The following MPC1 variants were observed in gnomAD, a reference collection of about 807,000 sequenced individuals.
The protein encoded by MPC1 is HSPC040 protein.
A neutral mutation model predicts 13.9 loss-of-function variants in MPC1; 6 were observed. That is an observed-to-expected ratio of 0.43 (90% confidence interval 0.24 to 0.85). The LOEUF (loss-of-function observed/expected upper bound fraction) is 0.85. Among genes scored for constraint, MPC1 ranks in the 40% least tolerant of loss-of-function variants. The pLI is 0.24. For synonymous variants in MPC1, 47 were observed against 50.5 expected (o/e 0.93, Z 0.29); for missense variants, 115 against 143.3 (o/e 0.80, Z 1.01).
intron 1 of MPC1, among the ~76,000 whole-genome samples, chr6:166,374,295 AT>A (rs1779493484): frequency 6.6e-6 from 1 of 152,126 alleles, no homozygotes; most frequent in South Asian, 2.1e-4. Context: ...GCCTGGCCTT[AT>A]TGTTAAGTTT....
chr6:166,382,858 G>C lies in MPC1; in HGVS notation c.19C>G (p.Arg7Gly). Residue 7 changes from arginine to glycine, a missense_variant, in exon 1 of 5, where the codon CGG becomes GGG. By Grantham distance (125) the Arg-to-Gly change is moderately radical. Around this residue, in one of 3 missense-constraint regions of MPC1, gnomAD observed 41 missense variants for 34.2 expected, o/e 1.20. Coordinates refer to ENST00000360961, the MANE Select transcript of MPC1 (RefSeq NM_016098.4). MAGALV[R>G]KAADYVRSKD... is the part of the protein sequence containing the mutation. ...CTTCGGACATAGTCCGCCGCTTTCCGCACCAACGCGCCCGCCATGGCTGTG... is the reference window on the plus strand; with the variant it reads ...CTTCGGACATAGTCCGCCGCTTTCCCCACCAACGCGCCCGCCATGGCTGTG... The C allele has an allele frequency of 6.3e-7, 1 of 1,594,888 alleles. No individual in the cohort carries two copies. The highest frequency in any genetic ancestry group is 8.5e-7 in the Non-Finnish European group (1 of 1,172,716).
Position 166,366,838 on chromosome 6 carries a change from A to C in MPC1, c.129T>G (p.Asp43Glu). 6.2e-7 allele frequency: 1 copy of C among 1,614,154 alleles called. No homozygotes were observed. The highest frequency in any genetic ancestry group is 8.5e-7 in the Non-Finnish European group (1 of 1,179,972). The part of the protein sequence containing the change: ...NWGLPIAAIN[D>E]MKKSPEIISG... ...TGATAATCTCTGGAGACTTTTTCAT[A>C]TCATTGATGGCAGCAATGGGAAGAC... Residue 43 changes from aspartate (D) to glutamate (E), a missense_variant, in exon 3 of 5, where the codon GAT (aspartate) becomes GAG (glutamate). Transcript: ENST00000360961.
At chr6:166,372,971 TTC>T (rs1779433548) in intron 1 of MPC1, among the ~76,000 whole-genome samples, 2 of 152,210 alleles carry the variant, frequency 1.3e-5, no homozygotes, top group African/African-American at 2.4e-5. Context: ...AAATTAAGTA[TTC>T]TGTTTTTTTA....
At chr6:166,379,347 A>G (rs1316585935) in intron 1 of MPC1, among the ~76,000 whole-genome samples, 3 of 152,140 alleles carry the variant, frequency 2.0e-5, no homozygotes, top group Non-Finnish European at 4.4e-5. Context: ...ACAAAAAACT[A>G]GCCAGGTATG....
At chr6:166,368,274 TG>T (rs2114947761) in intron 2 of MPC1, among the ~76,000 whole-genome samples, 1 of 152,292 alleles carries the variant, frequency 6.6e-6, no homozygotes, top group South Asian at 2.1e-4. Context: ...AATGACAAGT[TG>T]GGTCGGGTGC....
chr6:166,381,712 G>A, intron 1 of MPC1: 1 of 644,196 alleles, frequency 1.6e-6, no homozygotes, highest in Non-Finnish European at 1.9e-6. Context: ...TTCCAACCGC[G>A]AATGCTCTTT....
intron 2 of MPC1, 137 bp downstream of exon 2, chr6:166,370,081 T>C (rs1362970741): frequency 2.7e-6 from 2 of 746,298 alleles, no homozygotes; most frequent in East Asian, 2.5e-5. Flanking sequence ...CAGGGTGCAG[T>C]AGGCACCCTT....
chr6:166,364,970 T>C lies in MPC1; in HGVS notation c.*459A>G, dbSNP rs1033610707. 1 of 154,052 alleles carries C rather than the reference T, an allele frequency of 6.5e-6. No homozygotes were observed. Among genetic ancestry groups the C allele is most frequent in the African/African-American group, 2.4e-5 (1 of 41,526 alleles). The allele number at this position is 154,052 out of a possible 1,614,324, so 9.5% of individuals were successfully genotyped here. A position where few individuals can be genotyped will look rare whatever the true frequency, so the allele number is the denominator to read the frequency against. On this transcript the variant is annotated 3_prime_UTR_variant, in exon 5 of 5. Transcript: ENST00000360961. ...GCCATTAAGTTACAGCATCTCAATA[T>C]ATACACTGCATGGAAATACACAGGT...
Position 166,365,282 on chromosome 6 carries a change from C to T in MPC1, c.*147G>A, listed in dbSNP as rs1779107282. On this transcript the variant is annotated 3_prime_UTR_variant, in exon 5 of 5. Coordinates refer to ENST00000360961, the MANE Select transcript of MPC1 (RefSeq NM_016098.4). The surrounding 1 kb of genome is among the most constrained non-coding windows in gnomAD (Gnocchi z 4.2). Reference sequence around the variant, plus strand: ...AGGCAGCAGAGAGTTGGTTTAGAAACTCTCAGCTATTTCTATAAAAATAGA... The same window carrying T: ...AGGCAGCAGAGAGTTGGTTTAGAAATTCTCAGCTATTTCTATAAAAATAGA... The T allele has an allele frequency of 4.8e-6, 3 of 628,754 alleles. No homozygotes were observed. The highest frequency in any genetic ancestry group is 6.7e-5 in the East Asian group (2 of 29,930). The allele number at this position is 628,754 out of a possible 1,614,324, so 38.9% of individuals were successfully genotyped here.
chr6:166,367,652 A>C (rs1289988781), intron 2 of MPC1, among the ~76,000 whole-genome samples: 1 of 152,230 alleles, frequency 6.6e-6, no homozygotes, highest in African/African-American at 2.4e-5. Flanking sequence ...GAAATAAAAT[A>C]AGGCTTGTGG....
chr6:166,365,409 T>A lies in MPC1; in HGVS notation c.*20A>T, dbSNP rs774115517. ...CTGGCAATGCTGTCCCTTCAAGACC[T>A]TGTTCTTCCTTTTCCATTGTTATGC... On this transcript the variant is annotated 3_prime_UTR_variant, in exon 5 of 5. Coordinates refer to ENST00000360961, the MANE Select transcript of MPC1 (RefSeq NM_016098.4). The surrounding 1 kb of genome is among the most constrained non-coding windows in gnomAD (Gnocchi z 4.2). 74 of 1,564,330 alleles carry A rather than the reference T, an allele frequency of 4.7e-5. No homozygotes were observed. In the Admixed American group the frequency reaches 1.3e-3, roughly 28 times the overall value.
At chr6:166,366,189 T>C in intron 3 of MPC1, 83 bp from the exon 4 acceptor site, 1 of 1,446,510 alleles carries the variant, frequency 6.9e-7, no homozygotes, top group Non-Finnish European at 9.2e-7. Context: ...AACAGTTCCA[T>C]TGCCCTGATC....
intron 3 of MPC1, 112 bp from the exon 4 acceptor site, chr6:166,366,218 C>T (rs898398676): frequency 1.4e-5 from 17 of 1,241,500 alleles, no homozygotes; most frequent in East Asian, 1.0e-4. Flanking sequence ...ACCTCTTCTG[C>T]GAAAGCCTTT....
intron 1 of MPC1, among the ~76,000 whole-genome samples, chr6:166,375,972 G>A (rs929329194): frequency 1.3e-5 from 2 of 152,106 alleles, no homozygotes; most frequent in South Asian, 2.1e-4. Flanking sequence ...TTATGATGGA[G>A]GGGTGAAATC....
intron 1 of MPC1, among the ~76,000 whole-genome samples, chr6:166,378,336 A>G (rs1197813366): frequency 6.6e-6 from 1 of 152,234 alleles, no homozygotes; most frequent in Admixed American, 6.5e-5. Context: ...TCATAAGCAT[A>G]CTAAGTGATT....
intron 1 of MPC1, among the ~76,000 whole-genome samples, chr6:166,373,365 G>A (rs948437580): frequency 6.6e-6 from 1 of 152,212 alleles, no homozygotes; most frequent in Non-Finnish European, 1.5e-5. Flanking sequence ...ACGTTGTGTA[G>A]TTGGAACCAG....
intron 3 of MPC1, 93 bp from the exon 4 acceptor site, chr6:166,366,199 CA>C (rs1562455977): frequency 7.4e-7 from 1 of 1,359,174 alleles, no homozygotes; most frequent in Non-Finnish European, 9.8e-7. Context: ...TTGCCCTGAT[CA>C]AAAAAGAACC....
chr6:166,367,854 C>A (rs549343598), intron 2 of MPC1, among the ~76,000 whole-genome samples: 2 of 152,228 alleles, frequency 1.3e-5, no homozygotes, highest in South Asian at 4.2e-4. Context: ...TTTGCTTCTA[C>A]TATTGACGAG....
At chr6:166,369,266 G>A (rs902659437) in intron 2 of MPC1, among the ~76,000 whole-genome samples, 3 of 152,200 alleles carry the variant, frequency 2.0e-5, no homozygotes, top group Admixed American at 6.5e-5. Flanking sequence ...GCTGGGTGTG[G>A]TGGCTTGCAC....
Sources: allele counts gnomAD v4.1 joint callset (sites outside exome capture counted in the v4.1 genomes callset), GRCh38; gene constraint gnomAD v4.1.1; regional missense constraint gnomAD v4.1.1; non-coding constraint Gnocchi (gnomAD v3.1); transcripts MANE v1.5; gene names NCBI Gene and HGNC (gene_info 2026-07-23, HGNC 2026-07-21).